The following MGMT variants were observed in gnomAD, a reference collection of about 807,000 sequenced individuals.
MGMT encodes the protein O-6-methylguanine-DNA methyltransferase.
Under a neutral mutation model 15.9 loss-of-function variants are expected in MGMT, and 14 were observed. That is an observed-to-expected ratio of 0.88 (90% CI 0.58 to 1.37). The LOEUF (loss-of-function observed/expected upper bound fraction) is 1.37. Among genes scored for constraint, MGMT ranks in the 40% most tolerant of loss-of-function variants. The probability of loss-of-function intolerance (pLI) is 0.00; values close to 1 mark genes in which losing one functional copy is unlikely to be tolerated. For synonymous variants in MGMT, 130 were observed against 118.2 expected (o/e 1.10, Z -0.65); for missense variants, 282 against 268.1 (o/e 1.05, Z -0.36).
chr10:129,561,057 C>T (rs1332913060), intron 2 of MGMT, among the ~76,000 whole-genome samples: 2 of 151,524 alleles, frequency 1.3e-5, no homozygotes, highest in African/African-American at 4.9e-5. Context: ...GCTGTGGTGC[C>T]GCCCTTCACG....
intron 1 of MGMT, among the ~76,000 whole-genome samples, chr10:129,478,119 C>T (rs1386842265): frequency 6.6e-6 from 1 of 152,124 alleles, no homozygotes; most frequent in East Asian, 1.9e-4. Context: ...CTCTGGTAAG[C>T]GGTAGAGGAA....
At position 129,613,506 on chromosome 10, in the gene MGMT, C is replaced by T. The variant is rs368252866; in HGVS notation, c.125+77129C>T. 2.3e-4 allele frequency among the ~76,000 whole-genome samples: 35 copies of T among 152,268 alleles called. 1 individual carries two copies. In the South Asian group the frequency reaches 2.5e-3, roughly 11 times the overall value. ...CTTGCCCTGTAGGACCCTAGTCTGT[C>T]GGGAGGTCTCTGTCCCCACCCCTCC... On this transcript the variant is annotated intron_variant, in intron 2 of 4. Transcript: ENST00000651593.
chr10:129,510,044 G>A (rs58074059), intron 1 of MGMT, among the ~76,000 whole-genome samples: 10,473 of 152,224 alleles, frequency 0.069, 1,209 homozygotes, highest in African/African-American at 0.24. Context: ...GTCCTGGAGC[G>A]GCCTGGGTTC....
At chr10:129,559,345 C>A (rs1008598741) in intron 2 of MGMT, among the ~76,000 whole-genome samples, 1 of 152,044 alleles carries the variant, frequency 6.6e-6, no homozygotes, top group African/African-American at 2.4e-5. Context: ...TCCCATAAGA[C>A]CTTTAAAGCT....
chr10:129,626,165 T>C (rs574778767), intron 2 of MGMT, among the ~76,000 whole-genome samples: 1 of 152,246 alleles, frequency 6.6e-6, no homozygotes, highest in Non-Finnish European at 1.5e-5. Flanking sequence ...GCTCCGCGCT[T>C]GGGAAGAGCC....
intron 2 of MGMT, among the ~76,000 whole-genome samples, chr10:129,692,350 G>T (rs560035109): frequency 3.3e-5 from 5 of 152,236 alleles, no homozygotes; most frequent in African/African-American, 1.2e-4. Context: ...CCAGACCAGG[G>T]GCCTATCAGG....
chr10:129,594,103 G>T (rs1589884418), intron 2 of MGMT, among the ~76,000 whole-genome samples: 3 of 152,302 alleles, frequency 2.0e-5, no homozygotes, highest in Admixed American at 2.0e-4. Context: ...GTGATCTGTG[G>T]GGGCAGCCCT....
intron 2 of MGMT, among the ~76,000 whole-genome samples, chr10:129,637,327 C>T (rs1278036647): frequency 6.6e-6 from 1 of 152,216 alleles, no homozygotes; most frequent in Non-Finnish European, 1.5e-5. Flanking sequence ...AGCCAAGGCC[C>T]TCTTGTGCGA....
At chr10:129,475,328 G>A (rs12776253) in intron 1 of MGMT, among the ~76,000 whole-genome samples, 38,305 of 151,994 alleles carry the variant, frequency 0.25, 5,333 homozygotes, top group Non-Finnish European at 0.31. Context: ...CAGCAGGGCA[G>A]GGCTGTGTGT....
intron 1 of MGMT, among the ~76,000 whole-genome samples, chr10:129,475,492 A>G (rs1316755330): frequency 1.3e-5 from 2 of 152,194 alleles, no homozygotes; most frequent in Non-Finnish European, 2.9e-5. Context: ...GGAATGATAT[A>G]TTTCTAAAAG....
chr10:129,527,099 A>G (rs2119739365), intron 1 of MGMT, among the ~76,000 whole-genome samples: 1 of 152,290 alleles, frequency 6.6e-6, no homozygotes, highest in South Asian at 2.1e-4. Flanking sequence ...CGGAGTGGGA[A>G]GTGGGGACAT....
chr10:129,527,972 A>G (rs566873648), intron 1 of MGMT, among the ~76,000 whole-genome samples: 44 of 151,278 alleles, frequency 2.9e-4, no homozygotes, highest in Non-Finnish European at 5.0e-4. Flanking sequence ...AAACTACAAC[A>G]CTATCCCTTC....
chr10:129,745,116 G>A (rs906819766), intron 3 of MGMT, among the ~76,000 whole-genome samples: 4 of 152,174 alleles, frequency 2.6e-5, no homozygotes, highest in African/African-American at 9.7e-5. Flanking sequence ...CAGAAAATGT[G>A]ACCTAGATTC....
intron 2 of MGMT, among the ~76,000 whole-genome samples, chr10:129,681,380 G>A (rs1212334317): frequency 6.6e-6 from 1 of 152,152 alleles, no homozygotes; most frequent in Non-Finnish European, 1.5e-5. Context: ...GCTTCCTGTG[G>A]GGACGCCCAT....
chr10:129,591,988 G>A (rs1033845312), intron 2 of MGMT, among the ~76,000 whole-genome samples: 2 of 152,154 alleles, frequency 1.3e-5, no homozygotes, highest in Non-Finnish European at 2.9e-5. Context: ...AACGCTAATT[G>A]TACTACAAAC....
At chr10:129,737,555 G>A (rs534539696) in intron 3 of MGMT, among the ~76,000 whole-genome samples, 182 of 152,316 alleles carry the variant, frequency 1.2e-3, no homozygotes, top group African/African-American at 3.8e-3. Context: ...CTCTCAACTC[G>A]TCAAAGTCAT....
intron 1 of MGMT, among the ~76,000 whole-genome samples, chr10:129,516,096 T>C (rs1402522635): frequency 6.6e-6 from 1 of 152,062 alleles, no homozygotes; most frequent in African/African-American, 2.4e-5. Context: ...CTCATGACAG[T>C]TTTTATATTA....
rs538526668 is a variant in MGMT at position 129,711,511 on chromosome 10, A to G, written c.274+3468A>G. 1.3e-3 allele frequency among the ~76,000 whole-genome samples: 202 copies of G among 152,340 alleles called. 1 individual carries two copies. The highest frequency in any genetic ancestry group is 2.5e-3 in the Non-Finnish European group (171 of 68,026). ...CGCTGAGGCTCTGGAAGGAAGCCTCATTGTTCTGCTGAAGGGATTAAGAGG... is the reference window on the plus strand; with the variant it reads ...CGCTGAGGCTCTGGAAGGAAGCCTCGTTGTTCTGCTGAAGGGATTAAGAGG... On this transcript the variant is annotated intron_variant, in intron 3 of 4. Transcript: ENST00000651593.
rs187652201 is a variant in MGMT, at chr10:129,764,911, C to T, written c.415-1877C>T. 3.3e-3 allele frequency among the ~76,000 whole-genome samples: 495 copies of T among 152,220 alleles called. 1 individual carries two copies. The highest frequency in any genetic ancestry group is 6.8e-3 in the Middle Eastern group (2 of 294). ...GTTGCGGGGATGAATGTGCTGCCCT[C>T]CAGCTCAGGAGGAAGGGAGGAAGGG... On this transcript the variant is annotated intron_variant, in intron 4 of 4. Coordinates refer to ENST00000651593, the MANE Select transcript of MGMT (RefSeq NM_002412.5).
Sources: allele counts gnomAD v4.1 joint callset (sites outside exome capture counted in the v4.1 genomes callset), GRCh38; gene constraint gnomAD v4.1.1; transcripts MANE v1.5; gene names NCBI Gene and HGNC (gene_info 2026-07-23, HGNC 2026-07-21).